CNGA3: variants seen among roughly 807,000 people sequenced by gnomAD.
CNGA3 encodes the protein cyclic nucleotide gated channel subunit alpha 3, also known as cyclic nucleotide-gated channel alpha-3.
A neutral mutation model predicts 46.6 loss-of-function variants in CNGA3; 42 were observed. The ratio of observed to expected loss-of-function variants is 0.90; its 90% CI spans 0.70 to 1.17. The LOEUF is 1.17. CNGA3 is among the 50% of genes most tolerant of loss of function. CNGA3 has a pLI of 0.00. For synonymous variants in CNGA3, 394 were observed against 369.4 expected, an observed-to-expected ratio of 1.07 and a Z score of -0.76; for missense variants, 893 against 890.7, an observed-to-expected ratio of 1.00 and a Z score of -0.03.
chr2:98,357,329 T>C (rs912575052), intron 1 of CNGA3, among the ~76,000 whole-genome samples: 1 of 152,108 alleles, frequency 6.6e-6, no homozygotes, highest in Non-Finnish European at 1.5e-5. Flanking sequence ...CACAGCAAAA[T>C]GTGATTGTAA....
Position 98,396,148 on chromosome 2 carries a change from G to T in CNGA3, c.978G>T (p.Lys326Asn). 1 of 1,614,192 alleles carries T rather than the reference G, an allele frequency of 6.2e-7. No individual in the cohort carries two copies. Among genetic ancestry groups the T allele is most frequent in the Non-Finnish European group, 8.5e-7 (1 of 1,180,036 alleles). The change falls in exon 8 of 8, where the codon AAG becomes AAT. Residue 326 changes from lysine (K) to asparagine (N), a missense_variant. Coordinates refer to ENST00000272602, the MANE Select transcript of CNGA3 (RefSeq NM_001298.3). ...WNACIYFAIS[K>N]FIGFGTDSWV... is the part of the protein sequence containing the mutation. Reference sequence around the variant, plus strand: ...CCTGCATCTACTTTGCCATTTCCAAGTTCATTGGTTTTGGGACAGACTCCT... The same window carrying T: ...CCTGCATCTACTTTGCCATTTCCAATTTCATTGGTTTTGGGACAGACTCCT...
chr2:98,382,026 T>C (rs906956159), intron 4 of CNGA3, among the ~76,000 whole-genome samples: 3 of 152,220 alleles, frequency 2.0e-5, no homozygotes, highest in African/African-American at 7.2e-5. Context: ...TTAGACTCTC[T>C]GTCCATTTCC....
At chr2:98,377,840 C>A in intron 3 of CNGA3, 40 bp downstream of exon 3, 1 of 1,553,138 alleles carries the variant, frequency 6.4e-7, no homozygotes, top group Non-Finnish European at 8.8e-7. Flanking sequence ...GCCTGGGGGA[C>A]ACTGTTGCAG....
intron 3 of CNGA3, chr2:98,378,157 T>C (rs1692453125): frequency 1.9e-6 from 3 of 1,550,534 alleles, no homozygotes; most frequent in Non-Finnish European, 1.7e-6. Flanking sequence ...GTGCTGAGGA[T>C]GGTGGTGATG....
intron 7 of CNGA3, among the ~76,000 whole-genome samples, chr2:98,392,189 C>A (rs992077919): frequency 2.0e-5 from 3 of 152,218 alleles, no homozygotes; most frequent in African/African-American, 7.2e-5. Flanking sequence ...AAGCTCTGGG[C>A]TCTGCTCTTC....
At chr2:98,383,077 T>C (rs1488594767) in intron 4 of CNGA3, among the ~76,000 whole-genome samples, 1 of 151,636 alleles carries the variant, frequency 6.6e-6, no homozygotes, top group Admixed American at 6.6e-5. Context: ...CCATCCAGGG[T>C]GGAATGGAAG....
chr2:98,365,123 C>T (rs1326604509), intron 1 of CNGA3, among the ~76,000 whole-genome samples: 6 of 151,886 alleles, frequency 4.0e-5, no homozygotes, highest in South Asian at 2.1e-4. Flanking sequence ...CTGCAACCTC[C>T]GCCTCCCCGG....
intron 4 of CNGA3, 78 bp from the exon 5 acceptor site, chr2:98,383,310 T>C: frequency 1.5e-6 from 2 of 1,356,320 alleles, no homozygotes; most frequent in Admixed American, 3.4e-5. Context: ...GGGTGGGGCA[T>C]GGTAATCCCC....
At chr2:98,353,693 G>T (rs1266841923) in intron 1 of CNGA3, among the ~76,000 whole-genome samples, 1 of 152,178 alleles carries the variant, frequency 6.6e-6, no homozygotes, top group African/African-American at 2.4e-5. Context: ...TTGCTATAAA[G>T]AAATACCTGA....
chr2:98,389,439 G>T (rs888902210), intron 5 of CNGA3, among the ~76,000 whole-genome samples: 5 of 152,140 alleles, frequency 3.3e-5, no homozygotes, highest in African/African-American at 1.2e-4. Context: ...TGACCTCCTG[G>T]GACTGAGCTG....
rs746639657 is a variant in CNGA3, at chr2:98,396,059, T to C, written c.889T>C (p.Tyr297His). ...TGACCGCACAGAGACAAGGACCAAC[T>C]ACCCCAATATGTTCAGGATTGGGAA... ...FFDRTETRTN[Y>H]PNMFRIGNLV... Residue 297 changes from tyrosine to histidine, a missense_variant, in exon 8 of 8, where the codon TAC (tyrosine) becomes CAC (histidine). This residue lies in a region of CNGA3 where 548 missense variants were observed against 570.8 expected (regional missense o/e 0.96). Transcript: ENST00000272602. 6.2e-7 allele frequency: 1 copy of C among 1,614,222 alleles called. No individual in the cohort carries two copies. Among genetic ancestry groups the C allele is most frequent in the East Asian group, 2.2e-5 (1 of 44,890 alleles).
At position 98,367,176 on chromosome 2, in the gene CNGA3, CT is replaced by C. The variant is rs1182363811; in HGVS notation, c.-37-2755del. Among the ~76,000 whole-genome samples, 67 of 115,546 alleles carry C rather than the reference CT, an allele frequency of 5.8e-4. 5 individuals are homozygous for C. The highest frequency in any genetic ancestry group is 1.7e-3 in the African/African-American group (52 of 31,040). The allele number at this position is 115,546 out of a possible 152,430, so 75.8% of individuals were successfully genotyped here. On this transcript the variant is annotated intron_variant, in intron 1 of 7. Coordinates refer to ENST00000272602, the MANE Select transcript of CNGA3 (RefSeq NM_001298.3). Reference sequence around the variant, plus strand: ...ACCTCTGACATCAGCTGTTTTTTTTCTTTTTTTTCTTTTTTTTTTTTTTTTA... The same window carrying C: ...ACCTCTGACATCAGCTGTTTTTTTTCTTTTTTTCTTTTTTTTTTTTTTTTA...
chr2:98,388,509 A>C (rs1692711164), intron 5 of CNGA3, among the ~76,000 whole-genome samples: 1 of 152,220 alleles, frequency 6.6e-6, no homozygotes, highest in South Asian at 2.1e-4. Context: ...AGCAGGCTGC[A>C]GACCATGCCT....
Position 98,377,803 on chromosome 2 carries a change from A to G in CNGA3, c.215+3A>G, listed in dbSNP as rs775771846. 1.9e-6 allele frequency: 3 copies of G among 1,608,732 alleles called. No homozygotes were observed. The highest frequency in any genetic ancestry group is 2.7e-5 in the African/African-American group (2 of 74,842). ...TTCACCGGCCAGGGGATCGCCAGGT[A>G]ACTGACCAGCCTCAGTCCCTACCTT... On this transcript the variant is annotated splice_donor_region_variant and intron_variant, in intron 3 of 7. Transcript: ENST00000272602.
At chr2:98,346,589 G>T (rs569586446) in intron 1 of CNGA3, 55 bp downstream of exon 1, 1 of 397,086 alleles carries the variant, frequency 2.5e-6, no homozygotes, top group East Asian at 3.6e-5. Context: ...GCCGGGAGGT[G>T]TGCTGGGGCC....
At chr2:98,376,811 T>A (rs1692414652) in intron 2 of CNGA3, among the ~76,000 whole-genome samples, 2 of 152,340 alleles carry the variant, frequency 1.3e-5, no homozygotes, top group African/African-American at 4.8e-5. Context: ...CCTGGCTGGC[T>A]TTTAATCAGG....
chr2:98,390,338 A>G (rs1222333193), intron 6 of CNGA3, among the ~76,000 whole-genome samples: 1 of 151,674 alleles, frequency 6.6e-6, no homozygotes, highest in East Asian at 1.9e-4. Context: ...TAGTAGAGAC[A>G]GTGTTTCACC....
chr2:98,351,654 T>C (rs1691773039), intron 1 of CNGA3, among the ~76,000 whole-genome samples: 1 of 152,168 alleles, frequency 6.6e-6, no homozygotes, highest in Non-Finnish European at 1.5e-5. Flanking sequence ...ATTGAAAAGA[T>C]AAAATGAGTT....
chr2:98,355,377 C>T (rs1301369361), intron 1 of CNGA3, among the ~76,000 whole-genome samples: 1 of 152,088 alleles, frequency 6.6e-6, no homozygotes, highest in Non-Finnish European at 1.5e-5. Flanking sequence ...ATTTTTTCCA[C>T]ATAGGTTCAC....
Sources: gnomAD v4.1 joint callset for allele counts (sites outside exome capture counted in the v4.1 genomes callset) on GRCh38, gnomAD v4.1.1 for gene constraint, gnomAD v4.1.1 regional missense constraint, MANE v1.5 for transcripts, NCBI Gene and HGNC (gene_info 2026-07-23, HGNC 2026-07-21) for gene names.